Variants in GNG7 observed in about 807,000 individuals in gnomAD.
GNG7 encodes guanine nucleotide-binding protein G(I)/G(S)/G(O) subunit gamma-7.
A neutral mutation model predicts 4.0 loss-of-function variants in GNG7; 1 was observed. The ratio of observed to expected loss-of-function variants is 0.25; its 90% confidence interval spans 0.09 to 1.18. The LOEUF (loss-of-function observed/expected upper bound fraction) is 1.18, where lower values mean the gene tolerates loss of function less well. GNG7 is among the 50% of genes most tolerant of loss of function. GNG7 has a pLI of 0.50. For missense variants in GNG7, 86 were observed against 91.9 expected (o/e 0.94, Z 0.26); for synonymous variants, 34 against 36.9 (o/e 0.92, Z 0.29).
intron 2 of GNG7, among the ~76,000 whole-genome samples, chr19:2,570,267 G>A (rs1980105463): frequency 6.6e-6 from 1 of 152,112 alleles, no homozygotes; most frequent in Non-Finnish European, 1.5e-5. Flanking sequence ...GGAGATGCTG[G>A]CACCATGCTT....
At chr19:2,621,848 T>A (rs939385946) in intron 2 of GNG7, among the ~76,000 whole-genome samples, 1 of 152,146 alleles carries the variant, frequency 6.6e-6, no homozygotes, top group Non-Finnish European at 1.5e-5. Context: ...GATCCTCTCC[T>A]GTAGCGCCCA....
At chr19:2,586,028 T>C (rs1430486265) in intron 2 of GNG7, among the ~76,000 whole-genome samples, 1 of 152,212 alleles carries the variant, frequency 6.6e-6, no homozygotes. Context: ...CAGTATCCCT[T>C]TTTCTTTAAA....
At chr19:2,636,403 T>G (rs184489093) in intron 2 of GNG7, among the ~76,000 whole-genome samples, 156 of 152,140 alleles carry the variant, frequency 1.0e-3, no homozygotes, top group African/African-American at 3.6e-3. Context: ...GAGCATGACA[T>G]CTGGGAGGGG....
At chr19:2,687,070 T>C (rs1446467311) in intron 1 of GNG7, among the ~76,000 whole-genome samples, 1 of 150,690 alleles carries the variant, frequency 6.6e-6, no homozygotes, top group Non-Finnish European at 1.5e-5. Flanking sequence ...TCTTTTTTTT[T>C]TTTTTGAGAC....
At chr19:2,677,007 C>G (rs923641373) in intron 1 of GNG7, among the ~76,000 whole-genome samples, 1 of 152,120 alleles carries the variant, frequency 6.6e-6, no homozygotes, top group African/African-American at 2.4e-5. Flanking sequence ...TTCTCCTGGC[C>G]GTGATCCGGC....
chr19:2,692,285 C>T (rs960543024), intron 1 of GNG7, among the ~76,000 whole-genome samples: 1 of 152,114 alleles, frequency 6.6e-6, no homozygotes, highest in Non-Finnish European at 1.5e-5. Context: ...CTGGATTCAC[C>T]TCTTTTCTTT....
At chr19:2,655,887 G>A (rs537717077) in intron 1 of GNG7, among the ~76,000 whole-genome samples, 1 of 146,574 alleles carries the variant, frequency 6.8e-6, no homozygotes, top group African/African-American at 2.5e-5. Flanking sequence ...TTAGCCAGGC[G>A]TGGTGGTGGG....
rs140474453 is a variant in GNG7, at chr19:2,676,557, G to A, written c.-135+26089C>T. Among the ~76,000 whole-genome samples, 37 of 152,240 alleles carry A rather than the reference G, an allele frequency of 2.4e-4. No individual in the cohort carries two copies. The East Asian group carries it at 6.4e-3, about 26-fold the overall frequency. On this transcript the variant is annotated intron_variant, in intron 1 of 4. Transcript: ENST00000382159. ...CTCCCAAGGAACTGGGACCACAGGC[G>A]CGCACCATCATGCTTGCCTAATTTT...
At chr19:2,675,685 G>A (rs1983576189) in intron 1 of GNG7, among the ~76,000 whole-genome samples, 1 of 152,142 alleles carries the variant, frequency 6.6e-6, no homozygotes, top group South Asian at 2.1e-4. Flanking sequence ...ACACTTGGGG[G>A]TCTCAATGGG....
At chr19:2,623,558 G>C (rs764178491) in intron 2 of GNG7, among the ~76,000 whole-genome samples, 1 of 152,180 alleles carries the variant, frequency 6.6e-6, no homozygotes, top group Admixed American at 6.5e-5. Flanking sequence ...CCTTGAGGAC[G>C]TCACGCTCAG....
intron 3 of GNG7, among the ~76,000 whole-genome samples, chr19:2,535,921 T>G (rs957976489): frequency 2.0e-5 from 3 of 151,716 alleles, no homozygotes; most frequent in African/African-American, 7.3e-5. Flanking sequence ...AGCCCAGGAG[T>G]TTGAAACCAG....
intron 1 of GNG7, among the ~76,000 whole-genome samples, chr19:2,686,783 G>A (rs1219221419): frequency 7.0e-6 from 1 of 143,652 alleles, no homozygotes; most frequent in Non-Finnish European, 1.5e-5. Context: ...ACAGAGTCTC[G>A]CTCTCTCGCC....
chr19:2,566,711 G>C (rs1599394622), intron 2 of GNG7, among the ~76,000 whole-genome samples: 2 of 152,166 alleles, frequency 1.3e-5, no homozygotes, highest in Non-Finnish European at 2.9e-5. Flanking sequence ...GATGGTCTCT[G>C]TTGCAACTGC....
intron 1 of GNG7, among the ~76,000 whole-genome samples, chr19:2,670,568 G>A (rs1416571798): frequency 6.6e-6 from 1 of 151,744 alleles, no homozygotes; most frequent in Non-Finnish European, 1.5e-5. Context: ...GCATGGCTGT[G>A]TGACGGGTGT....
At chr19:2,637,217 C>CCT (rs386388382) in intron 2 of GNG7, among the ~76,000 whole-genome samples, 1 of 151,892 alleles carries the variant, frequency 6.6e-6, no homozygotes, top group Admixed American at 6.6e-5. Context: ...CAGGCTCCCC[C>CCT]CGCCCCCGAG....
chr19:2,512,213 G>A lies in GNG7; in HGVS notation c.*2809C>T, dbSNP rs879643148. 7.5e-5 allele frequency: 74 copies of A among 985,700 alleles called. No individual in the cohort carries two copies. Among genetic ancestry groups the A allele is most frequent in the Middle Eastern group, 1.0e-3 (2 of 1,936 alleles). 61.1% of individuals were successfully genotyped at this position (985,700 alleles called of 1,614,324 possible). A position where few individuals can be genotyped will look rare whatever the true frequency, so the allele number is the denominator to read the frequency against. ...CAGCTCCCCGTCTGGAGGTGCACGC[G>A]CGCTCCTGGAAACGCCCATAAAACA... On this transcript the variant is annotated 3_prime_UTR_variant, in exon 5 of 5. Coordinates refer to ENST00000382159, the MANE Select transcript of GNG7 (RefSeq NM_052847.3). This position sits in a 1 kb window ranked among gnomAD's most constrained non-coding sequence, Gnocchi z 4.7.
intron 2 of GNG7, chr19:2,632,601 G>A (rs1159850721): frequency 6.6e-6 from 1 of 152,150 alleles, no homozygotes; most frequent in African/African-American, 2.4e-5. Context: ...TCAGCACTGT[G>A]GACATCGGGA....
intron 2 of GNG7, among the ~76,000 whole-genome samples, chr19:2,588,534 C>T (rs936483407): frequency 6.6e-6 from 1 of 152,220 alleles, no homozygotes. Flanking sequence ...AGCAGGAGCC[C>T]AGGGCGGCGG....
rs1208145708 is a variant in GNG7 at position 2,696,352 on chromosome 19, AAAGAAAAG to A, written c.-135+6286_-135+6293del. Reference sequence around the variant, plus strand: ...AAAGAAAGAAAGAAAGAAAGAAAAGAAAGAAAAGAAAGAAAGAAAGGAAAGGAAGGGAA... The same window carrying A: ...AAAGAAAGAAAGAAAGAAAGAAAAGAAAAGAAAGAAAGGAAAGGAAGGGAA... On this transcript the variant is annotated intron_variant, in intron 1 of 4. Transcript: ENST00000382159. 5.6e-3 allele frequency among the ~76,000 whole-genome samples: 821 copies of A among 147,604 alleles called. 11 individuals are homozygous for A. Among genetic ancestry groups the A allele is most frequent in the African/African-American group, 0.021 (780 of 37,818 alleles).
Sources: allele counts gnomAD v4.1 joint callset (sites outside exome capture counted in the v4.1 genomes callset), GRCh38; gene constraint gnomAD v4.1.1; non-coding constraint Gnocchi (gnomAD v3.1); transcripts MANE v1.5; gene names NCBI Gene and HGNC (gene_info 2026-07-23, HGNC 2026-07-21).